The following HIVEP2 variants were observed in gnomAD, a reference collection of about 807,000 sequenced individuals.
HIVEP2 encodes HIVEP zinc finger 2.
A neutral mutation model predicts 180.7 loss-of-function variants in HIVEP2; 14 were observed. The observed-to-expected ratio is 0.08, with a 90% CI of 0.05 to 0.12. HIVEP2 has a LOEUF of 0.12. Among genes scored for constraint, HIVEP2 ranks in the 10% least tolerant of loss-of-function variants. The probability of loss-of-function intolerance (pLI) is 1.00; values close to 1 mark genes in which losing one functional copy is unlikely to be tolerated. For synonymous variants in HIVEP2, 1,184 were observed against 1,136.4 expected (o/e 1.04, Z -0.84); for missense variants, 2,579 against 3,008.5 (o/e 0.86, Z 3.34).
chr6:142,862,872 T>A (rs1427462322), intron 1 of HIVEP2, among the ~76,000 whole-genome samples: 2 of 129,904 alleles, frequency 1.5e-5, no homozygotes, highest in Non-Finnish European at 3.1e-5. Flanking sequence ...TATAAATATC[T>A]ATTATATGTA....
chr6:142,834,598 C>A (rs1365404433), intron 2 of HIVEP2, among the ~76,000 whole-genome samples: 1 of 151,916 alleles, frequency 6.6e-6, no homozygotes, highest in African/African-American at 2.4e-5. Flanking sequence ...ATGTCAAGAC[C>A]AGTCAAAAAC....
At position 142,772,612 on chromosome 6, in the gene HIVEP2, C is replaced by G; in HGVS notation, c.2127G>C (p.Thr709=). 4 of 1,614,220 alleles carry G rather than the reference C, an allele frequency of 2.5e-6. No homozygotes were observed. The highest frequency in any genetic ancestry group is 3.4e-6 in the Non-Finnish European group (4 of 1,180,046). ...KEKSVGDEED[T]PMICSSIVST... ...TTACAATGCTGCTGCAGATCATGGG[C>G]GTGTCCTCTTCATCCCCTACGCTCT... Residue 709 remains threonine (T), a synonymous_variant, in exon 5 of 10, where the codon ACG becomes ACC. Transcript: ENST00000367603. The surrounding 1 kb of genome is among the most constrained non-coding windows in gnomAD (Gnocchi z 4.9).
At chr6:142,832,192 CA>C (rs71721259) in intron 2 of HIVEP2, among the ~76,000 whole-genome samples, 5,597 of 107,990 alleles carry the variant, frequency 0.052, 115 homozygotes, top group Middle Eastern at 0.084. Flanking sequence ...AATTCTGTCT[CA>C]AAAAAAAAAA....
At chr6:142,898,017 A>C (rs888354183) in intron 1 of HIVEP2, among the ~76,000 whole-genome samples, 1 of 152,172 alleles carries the variant, frequency 6.6e-6, no homozygotes, top group African/African-American at 2.4e-5. Flanking sequence ...ATGGCACCTC[A>C]GCCCCACTGA....
At chr6:142,852,689 G>A (rs1775716603) in intron 1 of HIVEP2, among the ~76,000 whole-genome samples, 1 of 152,148 alleles carries the variant, frequency 6.6e-6, no homozygotes, top group African/African-American at 2.4e-5. Context: ...ATGTTTTAGA[G>A]ATTTCTCCAA....
At chr6:142,756,047 T>C (rs1775058278) in intron 9 of HIVEP2, among the ~76,000 whole-genome samples, 2 of 152,248 alleles carry the variant, frequency 1.3e-5, no homozygotes, top group African/African-American at 4.8e-5. Context: ...AATTTTGTCG[T>C]GGAAAAACAA....
chr6:142,875,807 T>G (rs1445643733), intron 1 of HIVEP2, among the ~76,000 whole-genome samples: 2 of 152,214 alleles, frequency 1.3e-5, no homozygotes. Context: ...AGTTCTCTTT[T>G]GCCTATTTCA....
At chr6:142,800,194 G>A (rs1776370372) in intron 2 of HIVEP2, among the ~76,000 whole-genome samples, 1 of 152,144 alleles carries the variant, frequency 6.6e-6, no homozygotes, top group South Asian at 2.1e-4. Flanking sequence ...TTAAACCTAG[G>A]AAGACAGCAT....
chr6:142,926,506 G>C (rs1408117930), intron 1 of HIVEP2, among the ~76,000 whole-genome samples: 1 of 152,230 alleles, frequency 6.6e-6, no homozygotes, highest in Non-Finnish European at 1.5e-5. Context: ...TGAGGGCTTT[G>C]TGAAAAGAAA....
intron 1 of HIVEP2, among the ~76,000 whole-genome samples, chr6:142,877,659 C>T (rs1776478465): frequency 6.6e-6 from 1 of 152,072 alleles, no homozygotes; most frequent in Admixed American, 6.6e-5. Context: ...GCAGTTGAGC[C>T]CTTCATACTC....
intron 2 of HIVEP2, among the ~76,000 whole-genome samples, chr6:142,791,335 G>A (rs541138786): frequency 1.3e-5 from 2 of 150,436 alleles, no homozygotes; most frequent in Non-Finnish European, 3.0e-5. Context: ...ACTAGACAGA[G>A]GGAAGGGGCT....
At position 142,772,019 on chromosome 6, in the gene HIVEP2, T is replaced by C; in HGVS notation, c.2720A>G (p.Gln907Arg). 6.2e-7 allele frequency: 1 copy of C among 1,614,234 alleles called. No individual in the cohort carries two copies. The highest frequency in any genetic ancestry group is 8.5e-7 in the Non-Finnish European group (1 of 1,180,030). The change falls in exon 5 of 10, where the codon CAG (glutamine) becomes CGG (arginine). Residue 907 changes from glutamine (Q) to arginine (R), a missense_variant. Coordinates refer to ENST00000367603, the MANE Select transcript of HIVEP2 (RefSeq NM_006734.4). This position sits in a 1 kb window ranked among gnomAD's most constrained non-coding sequence, Gnocchi z 4.9. ...PDKPEKEKEA[Q>R]SKEPEKPVEE... ...CACAGGCTTCTCTGGCTCTTTGCTC[T>C]GGGCTTCCTTCTCCTTCTCAGGTTT...
In HIVEP2 at chr6:142,892,914, C is replaced by T. The variant is rs139391246; in HGVS notation, c.-641+52185G>A. 2.2e-4 allele frequency among the ~76,000 whole-genome samples: 33 copies of T among 152,256 alleles called. 1 individual carries two copies. The highest frequency in any genetic ancestry group is 3.7e-4 in the Non-Finnish European group (25 of 68,004). On this transcript the variant is annotated intron_variant, in intron 1 of 9. Transcript: ENST00000367603. Reference sequence around the variant, plus strand: ...ACTCTCAGAAGTATAATCATTCCATCGTACCAAAAAGGAAAGTGGAGCTCG... The same window carrying T: ...ACTCTCAGAAGTATAATCATTCCATTGTACCAAAAAGGAAAGTGGAGCTCG...
intron 1 of HIVEP2, among the ~76,000 whole-genome samples, chr6:142,896,134 A>G (rs1776985325): frequency 6.6e-6 from 1 of 152,216 alleles, no homozygotes; most frequent in Admixed American, 6.5e-5. Context: ...ACCTGACAGG[A>G]AGTTCAGATT....
chr6:142,827,986 T>C lies in HIVEP2; in HGVS notation c.-528+8949A>G, dbSNP rs1440976151. ...TAACCTTTAGAATGTTTTCATCCTG[T>C]GTTTGCTGTGTTTTCAGCTATATTT... is the stretch of plus-strand genomic sequence containing the variant. On this transcript the variant is annotated intron_variant, in intron 2 of 9. Coordinates refer to ENST00000367603, the MANE Select transcript of HIVEP2 (RefSeq NM_006734.4). 2.0e-5 allele frequency among the ~76,000 whole-genome samples: 3 copies of C among 152,370 alleles called. No individual in the cohort carries two copies. In the East Asian group the frequency reaches 5.8e-4, roughly 29 times the overall value.
At position 142,763,696 on chromosome 6, in the gene HIVEP2, G is replaced by C. The variant is rs548711985; in HGVS notation, c.5518+1103C>G. 9.2e-5 allele frequency among the ~76,000 whole-genome samples: 14 copies of C among 152,194 alleles called. No individual in the cohort carries two copies. The South Asian group carries it at 2.9e-3, about 32-fold the overall frequency. ...AGTTTTTATTTTCTTATCTCCTAGGGAATCTCTTAGTAAAGTTCTGTATAA... is the reference window on the plus strand; with the variant it reads ...AGTTTTTATTTTCTTATCTCCTAGGCAATCTCTTAGTAAAGTTCTGTATAA... On this transcript the variant is annotated intron_variant, in intron 7 of 9. Transcript: ENST00000367603.
intron 1 of HIVEP2, among the ~76,000 whole-genome samples, chr6:142,935,730 T>C (rs1778038010): frequency 6.6e-6 from 1 of 152,130 alleles, no homozygotes; most frequent in Non-Finnish European, 1.5e-5. Context: ...ATTATGACTT[T>C]AAACATCCAC....
At chr6:142,848,791 G>A (rs1775578890) in intron 1 of HIVEP2, among the ~76,000 whole-genome samples, 1 of 151,804 alleles carries the variant, frequency 6.6e-6, no homozygotes, top group Non-Finnish European at 1.5e-5. Flanking sequence ...TGAAATAGCT[G>A]GAAAAGTCAC....
chr6:142,772,799 T>G lies in HIVEP2; in HGVS notation c.1940A>C (p.Lys647Thr). ...CTTTGGTGTTTCAGAGTCCTCCCAC[T>G]TCTTATAGGGTTTCCGACAGACATC... ...DYDVCRKPYK[K>T]WEDSETPKQN... is the part of the protein sequence containing the mutation. Residue 647 changes from lysine to threonine, a missense_variant, in exon 5 of 10, where the codon AAG becomes ACG. By Grantham distance (78) the Lys-to-Thr change is moderately conservative. Coordinates refer to ENST00000367603, the MANE Select transcript of HIVEP2 (RefSeq NM_006734.4). This position sits in a 1 kb window ranked among gnomAD's most constrained non-coding sequence, Gnocchi z 4.9. 6.2e-7 allele frequency: 1 copy of G among 1,614,176 alleles called. No individual in the cohort carries two copies. The highest frequency in any genetic ancestry group is 8.5e-7 in the Non-Finnish European group (1 of 1,180,020).
Sources: allele counts gnomAD v4.1 joint callset (sites outside exome capture counted in the v4.1 genomes callset), GRCh38; gene constraint gnomAD v4.1.1; non-coding constraint Gnocchi (gnomAD v3.1); transcripts MANE v1.5; gene names NCBI Gene and HGNC (gene_info 2026-07-23, HGNC 2026-07-21).